Variants in RRP15 observed in about 807,000 individuals in gnomAD.
RRP15 encodes the protein ribosomal RNA processing 15 homolog, also known as RRP15-like protein.
RRP15 carries 18 observed loss-of-function variants against 27.1 expected under a neutral mutation model. That is an observed-to-expected ratio of 0.66 (90% CI 0.46 to 0.98). The LOEUF (loss-of-function observed/expected upper bound fraction) is 0.98. Ranked by LOEUF, RRP15 falls within the 50% of genes least tolerant of loss-of-function variation. The pLI, the probability that RRP15 is intolerant of heterozygous loss-of-function variation, is 0.00. For missense variants in RRP15, 359 were observed against 337.8 expected (o/e 1.06, Z -0.49); for synonymous variants, 107 against 109.4 (o/e 0.98, Z 0.14).
chr1:218,330,308 ACTAC>A (rs1656345626), intron 4 of RRP15, among the ~76,000 whole-genome samples: 1 of 152,198 alleles, frequency 6.6e-6, no homozygotes, highest in Admixed American at 6.5e-5. Flanking sequence ...AAACGAATTG[ACTAC>A]CTATTATGTT....
intron 1 of RRP15, among the ~76,000 whole-genome samples, chr1:218,289,283 G>A (rs1370599158): frequency 1.3e-5 from 2 of 152,164 alleles, no homozygotes; most frequent in African/African-American, 4.8e-5. Flanking sequence ...GGTAGCTGAT[G>A]GCATTTCTAT....
intron 4 of RRP15, among the ~76,000 whole-genome samples, chr1:218,328,787 G>T (rs776157359): frequency 3.3e-5 from 5 of 152,146 alleles, no homozygotes; most frequent in Non-Finnish European, 5.9e-5. Context: ...GAGGTTGGTT[G>T]TCAGGGTGAG....
intron 1 of RRP15, among the ~76,000 whole-genome samples, chr1:218,298,120 C>G (rs1655749327): frequency 6.6e-6 from 1 of 152,118 alleles, no homozygotes; most frequent in African/African-American, 2.4e-5. Context: ...GATTTTCATA[C>G]AGAGCACTGA....
At chr1:218,314,123 G>A (rs1261846094) in intron 4 of RRP15, among the ~76,000 whole-genome samples, 1 of 151,872 alleles carries the variant, frequency 6.6e-6, no homozygotes, top group East Asian at 1.9e-4. Flanking sequence ...CCAAAGTGCT[G>A]GGATTACAGG....
intron 4 of RRP15, among the ~76,000 whole-genome samples, chr1:218,310,375 A>G (rs910163466): frequency 6.6e-6 from 1 of 152,228 alleles, no homozygotes; most frequent in South Asian, 2.1e-4. Context: ...CAGGATACCA[A>G]TTTGGAAACA....
intron 4 of RRP15, among the ~76,000 whole-genome samples, chr1:218,309,511 T>A (rs891309279): frequency 6.6e-6 from 1 of 151,680 alleles, no homozygotes; most frequent in Non-Finnish European, 1.5e-5. Flanking sequence ...GGTGAAACAC[T>A]GTCTCTACTA....
At chr1:218,324,093 C>T (rs903216834) in intron 4 of RRP15, among the ~76,000 whole-genome samples, 1 of 152,208 alleles carries the variant, frequency 6.6e-6, no homozygotes, top group Non-Finnish European at 1.5e-5. Context: ...CCAAGTCCTC[C>T]TCTTGGCCCC....
intron 1 of RRP15, among the ~76,000 whole-genome samples, chr1:218,292,412 A>T (rs1655658799): frequency 6.6e-6 from 1 of 152,188 alleles, no homozygotes; most frequent in Non-Finnish European, 1.5e-5. Context: ...TGTAGCCAAG[A>T]AAAAGCACAG....
chr1:218,296,722 C>G (rs1655723929), intron 1 of RRP15, among the ~76,000 whole-genome samples: 1 of 151,742 alleles, frequency 6.6e-6, no homozygotes, highest in African/African-American at 2.4e-5. Flanking sequence ...GTGCCTACAT[C>G]TAACTACATG....
chr1:218,312,011 G>A (rs909710542), intron 4 of RRP15, among the ~76,000 whole-genome samples: 2 of 152,186 alleles, frequency 1.3e-5, no homozygotes, highest in African/African-American at 2.4e-5. Flanking sequence ...TGATGTGGCT[G>A]CAAGTCAAAG....
chr1:218,322,621 GT>G (rs921377442), intron 4 of RRP15, among the ~76,000 whole-genome samples: 16 of 151,212 alleles, frequency 1.1e-4, no homozygotes, highest in Non-Finnish European at 1.8e-4. Context: ...AAATAAAGTT[GT>G]TTTCCACCCC....
chr1:218,287,088 C>G (rs1655559769), intron 1 of RRP15, among the ~76,000 whole-genome samples: 1 of 151,824 alleles, frequency 6.6e-6, no homozygotes, highest in African/African-American at 2.4e-5. Context: ...TTCAGCTTCC[C>G]CAGGTAGCTA....
In RRP15 at chr1:218,305,027, G is replaced by T. The variant is rs1475019431; in HGVS notation, c.406-1G>T. ...TTCACATAACAATATTTATAACGCA[G>T]CGTGATAAGAGGCTGGAGTGGGAAA... On this transcript the variant is annotated splice_acceptor_variant, in intron 2 of 4. Coordinates refer to ENST00000366932, the MANE Select transcript of RRP15 (RefSeq NM_016052.4). LOFTEE classifies it high-confidence loss of function. 8.7e-6 allele frequency: 14 copies of T among 1,612,362 alleles called. No individual in the cohort carries two copies. Among genetic ancestry groups the T allele is most frequent in the Non-Finnish European group, 1.2e-5 (14 of 1,178,678 alleles).
intron 4 of RRP15, among the ~76,000 whole-genome samples, chr1:218,322,609 T>C (rs1217821171): frequency 6.6e-6 from 1 of 152,092 alleles, no homozygotes. Flanking sequence ...ACGTTTATTA[T>C]AAAATAAAGT....
In RRP15 at chr1:218,332,810, C is replaced by A. The variant is rs1316128277; in HGVS notation, c.*1719C>A. The A allele has an allele frequency of 3.3e-5, 5 of 150,896 alleles. No homozygotes were observed. Among genetic ancestry groups the A allele is most frequent in the African/African-American group, 4.9e-5 (2 of 41,008 alleles). 9.3% of individuals were successfully genotyped at this position (150,896 alleles called of 1,614,324 possible). On this transcript the variant is annotated 3_prime_UTR_variant, in exon 5 of 5. Coordinates refer to ENST00000366932, the MANE Select transcript of RRP15 (RefSeq NM_016052.4). The stretch of plus-strand genomic sequence containing the variant: ...GTAGTAATACAGGAGAACTAAATAT[C>A]CTGCTATAACTTAATACAGATACAT...
intron 1 of RRP15, among the ~76,000 whole-genome samples, chr1:218,297,705 G>C (rs1374510073): frequency 2.0e-5 from 3 of 152,066 alleles, no homozygotes; most frequent in Non-Finnish European, 4.4e-5. Flanking sequence ...TAACCAATAG[G>C]CTTACCACTT....
At chr1:218,287,814 G>C (rs1305266490) in intron 1 of RRP15, among the ~76,000 whole-genome samples, 1 of 152,104 alleles carries the variant, frequency 6.6e-6, no homozygotes, top group Non-Finnish European at 1.5e-5. Flanking sequence ...TATTTTCACA[G>C]GGTCTTCTTT....
intron 4 of RRP15, among the ~76,000 whole-genome samples, chr1:218,316,484 A>G (rs1656091373): frequency 6.6e-6 from 1 of 152,188 alleles, no homozygotes; most frequent in Non-Finnish European, 1.5e-5. Flanking sequence ...GCATCTTGGT[A>G]AAAATTACCA....
intron 1 of RRP15, among the ~76,000 whole-genome samples, chr1:218,289,747 A>G (rs1057413138): frequency 1.4e-4 from 22 of 152,212 alleles, no homozygotes; most frequent in African/African-American, 5.3e-4. Context: ...CAATGGTATG[A>G]TCTCAGGTCA....
Sources: gnomAD v4.1 joint callset for allele counts (sites outside exome capture counted in the v4.1 genomes callset) on GRCh38, gnomAD v4.1.1 for gene constraint, MANE v1.5 for transcripts, NCBI Gene and HGNC (gene_info 2026-07-23, HGNC 2026-07-21) for gene names.